Variants in BIN1 observed in about 807,000 individuals in gnomAD.
BIN1 encodes myc box-dependent-interacting protein 1.
Under a neutral mutation model 82.0 loss-of-function variants are expected in BIN1, and 53 were observed. That is an observed-to-expected ratio of 0.65 (90% confidence interval 0.52 to 0.81). The LOEUF (loss-of-function observed/expected upper bound fraction) is 0.81, where lower values mean the gene tolerates loss of function less well. Ranked by LOEUF, BIN1 falls within the 40% of genes least tolerant of loss-of-function variation. BIN1 has a pLI of 0.00. For missense variants in BIN1, 642 were observed against 784.4 expected, an observed-to-expected ratio of 0.82 and a Z score of 2.17; for synonymous variants, 302 against 328.0, an observed-to-expected ratio of 0.92 and a Z score of 0.86.
intron 1 of BIN1, among the ~76,000 whole-genome samples, chr2:127,089,076 C>T (rs570372121): frequency 6.6e-6 from 1 of 152,204 alleles, no homozygotes; most frequent in Non-Finnish European, 1.5e-5. Context: ...TGGACCCCTC[C>T]ATAACCTCAT....
Position 127,089,810 on chromosome 2 carries a change from C to A in BIN1, c.85-13104G>T, listed in dbSNP as rs78958584. ...TGGGCAAGTAAGCTCACCTCCCTGA[C>A]CTGCTGGGTCTCATCACTTAGAGCC... On this transcript the variant is annotated intron_variant, in intron 1 of 18. Transcript: ENST00000316724. Among the ~76,000 whole-genome samples the A allele has an allele frequency of 2.2e-4, 33 of 152,232 alleles. 1 individual carries two copies. In the East Asian group the frequency reaches 6.0e-3, roughly 28 times the overall value.
intron 11 of BIN1, among the ~76,000 whole-genome samples, chr2:127,058,091 C>A (rs900400779): frequency 2.0e-5 from 3 of 152,174 alleles, no homozygotes; most frequent in South Asian, 4.1e-4. Context: ...CCAGCTCAGA[C>A]GAGTGTATCC....
In BIN1 at chr2:127,080,060, C is replaced by T. The variant is rs185547988; in HGVS notation, c.85-3354G>A. On this transcript the variant is annotated intron_variant, in intron 1 of 18. Coordinates refer to ENST00000316724, the MANE Select transcript of BIN1 (RefSeq NM_139343.3). ...CCGAGGCCCAGGGAAGACCCATGGG[C>T]GAGGCTGGCCTTGGCCACATGCCAT... Among the ~76,000 whole-genome samples, 280 of 152,352 alleles carry T rather than the reference C, an allele frequency of 1.8e-3. 1 individual carries two copies. Among genetic ancestry groups the T allele is most frequent in the African/African-American group, 6.1e-3 (254 of 41,580 alleles).
At position 127,052,502 on chromosome 2, in the gene BIN1, G is replaced by C. The variant is rs1007254341; in HGVS notation, c.1264-140C>G. ...GGCAGGGTGGGTACCAGCGGAGCCC[G>C]GCCAGCCACCCGCCTCCCACATCCT... On this transcript the variant is annotated intron_variant, in intron 14 of 18. Transcript: ENST00000316724. The C allele has an allele frequency of 4.1e-6, 3 of 736,770 alleles. No individual in the cohort carries two copies. In the Admixed American group the frequency reaches 7.2e-5, roughly 18 times the overall value. The allele number at this position is 736,770 out of a possible 1,614,324, so 45.6% of individuals were successfully genotyped here. A position where few individuals can be genotyped will look rare whatever the true frequency, so the allele number is the denominator to read the frequency against.
At chr2:127,089,808 G>A (rs1051959255) in intron 1 of BIN1, among the ~76,000 whole-genome samples, 1 of 152,098 alleles carries the variant, frequency 6.6e-6, no homozygotes, top group African/African-American at 2.4e-5. Context: ...TCACCTCCCT[G>A]ACCTGCTGGG....
At chr2:127,061,195 C>A (rs1028215364) in intron 10 of BIN1, among the ~76,000 whole-genome samples, 1 of 145,774 alleles carries the variant, frequency 6.9e-6, no homozygotes, top group African/African-American at 2.6e-5. Flanking sequence ...TATTCCACAA[C>A]CCCCACCCCG....
At chr2:127,053,010 C>T in intron 14 of BIN1, 1 of 308,136 alleles carries the variant, frequency 3.2e-6, no homozygotes, top group Non-Finnish European at 6.4e-6. Context: ...TCCCCTTCCT[C>T]GCAAACAGCT....
At chr2:127,073,454 T>TG (rs1355978411) in intron 2 of BIN1, among the ~76,000 whole-genome samples, 1 of 152,058 alleles carries the variant, frequency 6.6e-6, no homozygotes, top group Non-Finnish European at 1.5e-5. Flanking sequence ...CTACAGGACT[T>TG]GGGGGAGTCA....
intron 10 of BIN1, among the ~76,000 whole-genome samples, chr2:127,060,161 T>G (rs780180654): frequency 6.6e-6 from 1 of 152,176 alleles, no homozygotes; most frequent in Non-Finnish European, 1.5e-5. Context: ...CCATCTTTCC[T>G]TCTGGAATTT....
chr2:127,105,833 G>T (rs373832903), intron 1 of BIN1, among the ~76,000 whole-genome samples: 27 of 152,364 alleles, frequency 1.8e-4, no homozygotes, highest in African/African-American at 6.3e-4. Context: ...AGGCCTGGCC[G>T]CGGGGCACTG....
At chr2:127,106,248 G>A (rs1046274591) in intron 1 of BIN1, among the ~76,000 whole-genome samples, 1 of 152,210 alleles carries the variant, frequency 6.6e-6, no homozygotes, top group Non-Finnish European at 1.5e-5. Context: ...CTCCCGGTGG[G>A]GCCGGGCTGG....
intron 1 of BIN1, among the ~76,000 whole-genome samples, chr2:127,086,510 T>A (rs1205249551): frequency 6.8e-6 from 1 of 146,610 alleles, no homozygotes; most frequent in Non-Finnish European, 1.5e-5. Context: ...CATCTTTTTT[T>A]CTTTTTTTTT....
intron 14 of BIN1, 151 bp downstream of exon 14, chr2:127,053,271 T>A: frequency 1.7e-6 from 2 of 1,171,620 alleles, no homozygotes; most frequent in Admixed American, 2.0e-5. Flanking sequence ...CTTCACCAGC[T>A]CCCTGTGCGT....
chr2:127,080,495 C>T (rs1223616055), intron 1 of BIN1, among the ~76,000 whole-genome samples: 2 of 152,184 alleles, frequency 1.3e-5, no homozygotes, highest in Admixed American at 1.3e-4. Flanking sequence ...GGGTGAGGGC[C>T]CCTTAGACAA....
rs920369843 is a variant in BIN1 at position 127,090,064 on chromosome 2, C to G, written c.85-13358G>C. Among the ~76,000 whole-genome samples the G allele has an allele frequency of 3.3e-5, 5 of 151,984 alleles. No homozygotes were observed. Among genetic ancestry groups the G allele is most frequent in the African/African-American group, 1.2e-4 (5 of 41,348 alleles). Reference sequence around the variant, plus strand: ...TGCTCCTGCGGCTCACAGTCCACTGCAGCATGGCCAGTTCCTTGGAACAGC... The same window carrying G: ...TGCTCCTGCGGCTCACAGTCCACTGGAGCATGGCCAGTTCCTTGGAACAGC... On this transcript the variant is annotated intron_variant, in intron 1 of 18. Transcript: ENST00000316724. The surrounding 1 kb of genome is among the most constrained non-coding windows in gnomAD (Gnocchi z 6.4).
rs1270085598 is a variant in BIN1, at chr2:127,092,754, TC to T, written c.84+14105del. Among the ~76,000 whole-genome samples the T allele has an allele frequency of 1.2e-4, 18 of 151,580 alleles. No individual in the cohort carries two copies. In the East Asian group the frequency reaches 3.1e-3, roughly 26 times the overall value. On this transcript the variant is annotated intron_variant, in intron 1 of 18. Coordinates refer to ENST00000316724, the MANE Select transcript of BIN1 (RefSeq NM_139343.3). ...AACACATCCAGTCCTCCTCCAAAGCTCCCGGGGAAGGGCCAACACAGTGCAG... is the reference window on the plus strand; with the variant it reads ...AACACATCCAGTCCTCCTCCAAAGCTCCGGGGAAGGGCCAACACAGTGCAG...
intron 1 of BIN1, among the ~76,000 whole-genome samples, chr2:127,106,400 G>T (rs1482481637): frequency 1.3e-5 from 2 of 152,224 alleles, no homozygotes; most frequent in African/African-American, 4.8e-5. Context: ...GAGTCCGGGG[G>T]AATAGTGTCC....
At chr2:127,065,413 C>A (rs1685029810) in intron 7 of BIN1, among the ~76,000 whole-genome samples, 1 of 152,198 alleles carries the variant, frequency 6.6e-6, no homozygotes, top group East Asian at 1.9e-4. Flanking sequence ...CGTCTCCAGG[C>A]TATGGCTGGG....
rs1395561274 is a variant in BIN1, at chr2:127,090,832, T to C, written c.85-14126A>G. ...CACGGGTCGCCACACACTCCCACAGTCTTCATTAGGAAACTTTGCCTCCCT... is the reference window on the plus strand; with the variant it reads ...CACGGGTCGCCACACACTCCCACAGCCTTCATTAGGAAACTTTGCCTCCCT... On this transcript the variant is annotated intron_variant, in intron 1 of 18. Transcript: ENST00000316724. This position sits in a 1 kb window ranked among gnomAD's most constrained non-coding sequence, Gnocchi z 6.4. Among the ~76,000 whole-genome samples, 1 of 152,084 alleles carries C rather than the reference T, an allele frequency of 6.6e-6. No homozygotes were observed. The highest frequency in any genetic ancestry group is 1.5e-5 in the Non-Finnish European group (1 of 68,006).
Sources: gnomAD v4.1 joint callset for allele counts (sites outside exome capture counted in the v4.1 genomes callset) on GRCh38, gnomAD v4.1.1 for gene constraint, Gnocchi (gnomAD v3.1) non-coding constraint, MANE v1.5 for transcripts, NCBI Gene and HGNC (gene_info 2026-07-23, HGNC 2026-07-21) for gene names.